CEP63: variants seen among roughly 807,000 people sequenced by gnomAD.
The protein encoded by CEP63 is centrosomal protein of 63 kDa.
CEP63 carries 84 observed loss-of-function variants against 89.1 expected under a neutral mutation model. The ratio of observed to expected loss-of-function variants is 0.94; its 90% confidence interval spans 0.79 to 1.13. The LOEUF is 1.13. Ranked by LOEUF, CEP63 falls within the 50% of genes most tolerant of loss-of-function variation. The pLI is 0.00. For missense variants in CEP63, 838 were observed against 813.3 expected (o/e 1.03, Z -0.37); for synonymous variants, 267 against 272.5 (o/e 0.98, Z 0.20).
chr3:134,766,377 G>A, the CEP63 span, among the ~76,000 whole-genome samples: 2 of 152,218 alleles, frequency 1.3e-5, no homozygotes, highest in Admixed American at 6.5e-5. Context: ...ACCTTCCTCA[G>A]ATTCTTAGGA....
the CEP63 span, among the ~76,000 whole-genome samples, chr3:134,618,456 C>G: frequency 6.6e-6 from 1 of 152,170 alleles, no homozygotes; most frequent in African/African-American, 2.4e-5. Flanking sequence ...CCAGGGCTAG[C>G]TGACTGTTTT....
chr3:134,731,847 C>T, the CEP63 span, among the ~76,000 whole-genome samples: 3 of 152,090 alleles, frequency 2.0e-5, no homozygotes, highest in East Asian at 1.9e-4. Context: ...ATAGACAAAA[C>T]GCTACAAAAC....
chr3:134,650,094 G>A, the CEP63 span, among the ~76,000 whole-genome samples: 2 of 152,248 alleles, frequency 1.3e-5, no homozygotes, highest in African/African-American at 4.8e-5. Flanking sequence ...TTCACATTGT[G>A]TTCTGTCGTC....
chr3:134,572,547 G>A lies in CEP63; in HGVS notation c.1330-2246G>A, dbSNP rs2110289053. ...CTGCCTTATCTTGCTTAGGATAATG[G>A]CCTCTGGCTGCATCCATGTTGCTGC... On this transcript the variant is annotated intron_variant, in intron 11 of 11. Coordinates refer to the CEP63 transcript ENST00000354446. Among the ~76,000 whole-genome samples the A allele has an allele frequency of 3.9e-5, 6 of 152,246 alleles. 1 individual carries two copies.
At chr3:134,764,673 G>C in the CEP63 span, among the ~76,000 whole-genome samples, 1 of 152,102 alleles carries the variant, frequency 6.6e-6, no homozygotes, top group Non-Finnish European at 1.5e-5. Context: ...GGCTCATCTG[G>C]TTTTCCCTAT....
the CEP63 span, among the ~76,000 whole-genome samples, chr3:134,679,228 A>G: frequency 6.6e-6 from 1 of 152,206 alleles, no homozygotes; most frequent in African/African-American, 2.4e-5. Flanking sequence ...TTTCCTGTGC[A>G]GTGCTCAAGA....
At chr3:134,516,007 GA>G (rs905107680) in intron 3 of CEP63, among the ~76,000 whole-genome samples, 5 of 152,132 alleles carry the variant, frequency 3.3e-5, no homozygotes, top group African/African-American at 1.2e-4. Flanking sequence ...ACTTGGAAAA[GA>G]AAGAGACACA....
the CEP63 span, among the ~76,000 whole-genome samples, chr3:134,766,258 C>G: frequency 6.6e-6 from 1 of 152,210 alleles, no homozygotes; most frequent in Admixed American, 6.5e-5. Context: ...AGGGTCAACG[C>G]TGCAGATGTG....
chr3:134,507,361 T>C, intron 3 of CEP63, 75 bp downstream of exon 3: 3 of 1,172,066 alleles, frequency 2.6e-6, no homozygotes, highest in Non-Finnish European at 3.7e-6. Flanking sequence ...CTTAAGTATT[T>C]GTTGAAGAAA....
At chr3:134,706,382 C>G in the CEP63 span, among the ~76,000 whole-genome samples, 1 of 152,122 alleles carries the variant, frequency 6.6e-6, no homozygotes, top group Non-Finnish European at 1.5e-5. Context: ...TCTCAGTTTC[C>G]TCTCCTACAA....
the CEP63 span, among the ~76,000 whole-genome samples, chr3:134,675,088 C>T: frequency 6.6e-6 from 1 of 152,116 alleles, no homozygotes; most frequent in East Asian, 1.9e-4. Context: ...ACAGCCAAAA[C>T]AATGAAAAAC....
At chr3:134,664,282 A>C in the CEP63 span, among the ~76,000 whole-genome samples, 104 of 152,306 alleles carry the variant, frequency 6.8e-4, 1 homozygote, top group Non-Finnish European at 8.5e-4. Flanking sequence ...CCTTATCTGT[A>C]ACCCAGCAGC....
chr3:134,736,207 A>ATATG, the CEP63 span, among the ~76,000 whole-genome samples: 2 of 152,148 alleles, frequency 1.3e-5, no homozygotes, highest in East Asian at 3.8e-4. Flanking sequence ...ATCATACGGA[A>ATATG]TATGTATGTA....
the CEP63 span, chr3:134,608,488 C>CCTCCA: frequency 6.5e-7 from 1 of 1,543,696 alleles, no homozygotes. Context: ...GCCTCAGCAG[C>CCTCCA]CTCCACTCAT....
At chr3:134,684,593 G>A in the CEP63 span, among the ~76,000 whole-genome samples, 2 of 152,234 alleles carry the variant, frequency 1.3e-5, no homozygotes, top group Non-Finnish European at 2.9e-5. Context: ...TGCAAAGCAG[G>A]AAGTGCAAAG....
chr3:134,755,854 A>T, the CEP63 span: 1 of 152,420 alleles, frequency 6.6e-6, no homozygotes, highest in African/African-American at 2.4e-5. Context: ...GTAACCAGTG[A>T]CTGATGAAAC....
At chr3:134,494,376 A>G (rs1938977545) in intron 1 of CEP63, among the ~76,000 whole-genome samples, 1 of 151,186 alleles carries the variant, frequency 6.6e-6, no homozygotes, top group East Asian at 1.9e-4. Flanking sequence ...TCGGCCTCCC[A>G]AGTTCTAGGA....
the CEP63 span, among the ~76,000 whole-genome samples, chr3:134,592,951 C>T: frequency 2.0e-5 from 3 of 152,064 alleles, no homozygotes; most frequent in South Asian, 2.1e-4. Flanking sequence ...CTGGTGATTC[C>T]GGGCTCCCAC....
chr3:134,650,678 C>G, the CEP63 span: 1 of 736,966 alleles, frequency 1.4e-6, no homozygotes, highest in Non-Finnish European at 2.1e-6. Context: ...GGTGCCACTG[C>G]GGGGAAGCGA....
Sources: gnomAD v4.1 joint callset for allele counts (sites outside exome capture counted in the v4.1 genomes callset) on GRCh38, gnomAD v4.1.1 for gene constraint, MANE v1.5 for transcripts, NCBI Gene and HGNC (gene_info 2026-07-23, HGNC 2026-07-21) for gene names.